UBE2E2: variants seen among roughly 807,000 people sequenced by gnomAD.
The protein encoded by UBE2E2 is ubiquitin conjugating enzyme E2 E2.
UBE2E2 carries 6 observed loss-of-function variants against 24.7 expected under a neutral mutation model. The observed-to-expected ratio is 0.24, with a 90% CI of 0.13 to 0.48. The LOEUF is 0.48. Ranked by LOEUF, UBE2E2 falls within the 20% of genes least tolerant of loss-of-function variation. The probability of loss-of-function intolerance (pLI) is 0.99; values close to 1 mark genes in which losing one functional copy is unlikely to be tolerated. For synonymous variants in UBE2E2, 104 were observed against 83.6 expected, an observed-to-expected ratio of 1.24 and a Z score of -1.33; for missense variants, 169 against 245.0, an observed-to-expected ratio of 0.69 and a Z score of 2.07.
intron 4 of UBE2E2, among the ~76,000 whole-genome samples, chr3:23,504,926 T>TTTTTTTTTTTTTTTTTTTTTTTTAAAG: frequency 6.8e-6 from 1 of 147,364 alleles, no homozygotes; most frequent in South Asian, 2.2e-4. Context: ...TTTTTTTTTT[T>TTTTTTTTTTTTTTTTTTTTTTTTAAAG]GAGACAGGGT....
At chr3:23,361,708 A>G (rs1156423864) in intron 3 of UBE2E2, among the ~76,000 whole-genome samples, 2 of 152,218 alleles carry the variant, frequency 1.3e-5, no homozygotes, top group Non-Finnish European at 1.5e-5. Flanking sequence ...TGAGTTGGGT[A>G]CAGTGTACAT....
chr3:23,258,147 A>C (rs1361718108), intron 3 of UBE2E2, among the ~76,000 whole-genome samples: 1 of 152,220 alleles, frequency 6.6e-6, no homozygotes, highest in Non-Finnish European at 1.5e-5. Flanking sequence ...AATATGCAAG[A>C]TGAGACCATG....
chr3:23,554,281 C>G (rs1284158153), intron 5 of UBE2E2, among the ~76,000 whole-genome samples: 1 of 151,950 alleles, frequency 6.6e-6, no homozygotes, highest in African/African-American at 2.4e-5. Flanking sequence ...AAAAAGGGTA[C>G]CAAGAAGACA....
intron 5 of UBE2E2, among the ~76,000 whole-genome samples, chr3:23,551,448 A>G (rs533873927): frequency 1.6e-4 from 24 of 152,216 alleles, no homozygotes; most frequent in Non-Finnish European, 2.8e-4. Flanking sequence ...TTGGCTCTAT[A>G]TTAGTAGAAA....
chr3:23,213,925 A>G (rs374510660), intron 2 of UBE2E2, among the ~76,000 whole-genome samples: 4 of 152,284 alleles, frequency 2.6e-5, no homozygotes, highest in South Asian at 4.1e-4. Flanking sequence ...AGTGCCTGAA[A>G]TAGGTACCTT....
At chr3:23,418,256 G>C (rs139949610) in intron 3 of UBE2E2, among the ~76,000 whole-genome samples, 169 of 152,318 alleles carry the variant, frequency 1.1e-3, no homozygotes, top group African/African-American at 4.0e-3. Context: ...ATCAGGGCCA[G>C]AGTGCACCGT....
At chr3:23,358,373 A>G (rs982992108) in intron 3 of UBE2E2, among the ~76,000 whole-genome samples, 29 of 152,224 alleles carry the variant, frequency 1.9e-4, no homozygotes, top group African/African-American at 6.3e-4. Context: ...ATGGTTCACA[A>G]TGATGCTTAA....
chr3:23,235,544 G>A (rs17342342), intron 3 of UBE2E2, among the ~76,000 whole-genome samples: 40,217 of 151,908 alleles, frequency 0.26, 5,693 homozygotes, highest in Non-Finnish European at 0.32. Flanking sequence ...ATTAAGATCA[G>A]TCTGGTTGCT....
At chr3:23,350,014 G>A (rs566201665) in intron 3 of UBE2E2, among the ~76,000 whole-genome samples, 2 of 152,138 alleles carry the variant, frequency 1.3e-5, no homozygotes, top group African/African-American at 2.4e-5. Flanking sequence ...ACCTCACACG[G>A]CCAGGTACTC....
chr3:23,243,628 G>A (rs148133589), intron 3 of UBE2E2, among the ~76,000 whole-genome samples: 184 of 152,232 alleles, frequency 1.2e-3, no homozygotes, highest in African/African-American at 4.2e-3. Flanking sequence ...CTACTGTTCA[G>A]CCATAATCAT....
chr3:23,441,010 C>A (rs967168269), intron 3 of UBE2E2, among the ~76,000 whole-genome samples: 1 of 152,128 alleles, frequency 6.6e-6, no homozygotes, highest in African/African-American at 2.4e-5. Flanking sequence ...TTGCCACTGA[C>A]ATTTTAGTTA....
At chr3:23,442,844 G>A (rs1041530761) in intron 3 of UBE2E2, among the ~76,000 whole-genome samples, 1 of 152,044 alleles carries the variant, frequency 6.6e-6, no homozygotes, top group African/African-American at 2.4e-5. Context: ...CCCCTCAGAG[G>A]AATGTGGTTT....
intron 5 of UBE2E2, among the ~76,000 whole-genome samples, chr3:23,588,176 T>A (rs1696669236): frequency 6.6e-6 from 1 of 152,194 alleles, no homozygotes; most frequent in Non-Finnish European, 1.5e-5. Flanking sequence ...TATTCTCTAC[T>A]ATTTTTTTCC....
At chr3:23,332,082 G>A (rs1036429199) in intron 3 of UBE2E2, among the ~76,000 whole-genome samples, 3 of 152,048 alleles carry the variant, frequency 2.0e-5, no homozygotes, top group Non-Finnish European at 2.9e-5. Flanking sequence ...GAATATTGTG[G>A]AATAATTTGT....
At chr3:23,566,380 C>G (rs928709858) in intron 5 of UBE2E2, among the ~76,000 whole-genome samples, 11 of 152,122 alleles carry the variant, frequency 7.2e-5, no homozygotes, top group Admixed American at 3.3e-4. Context: ...GTTGTGTAAC[C>G]AAGCTTGTAT....
chr3:23,343,533 G>A (rs1301518031), intron 3 of UBE2E2, among the ~76,000 whole-genome samples: 2 of 119,382 alleles, frequency 1.7e-5, no homozygotes, highest in African/African-American at 3.2e-5. Context: ...CCGAGATGGC[G>A]CCACTACACT....
At chr3:23,227,406 G>A (rs4858062) in intron 3 of UBE2E2, among the ~76,000 whole-genome samples, 88,119 of 152,064 alleles carry the variant, frequency 0.58, 26,012 homozygotes, top group South Asian at 0.67. Flanking sequence ...AACGTACAAT[G>A]TGAATAACTG....
chr3:23,538,731 G>A (rs1695321607), intron 5 of UBE2E2, among the ~76,000 whole-genome samples: 1 of 151,878 alleles, frequency 6.6e-6, no homozygotes, highest in African/African-American at 2.4e-5. Context: ...AATTAAAGAA[G>A]ATATACAGAA....
intron 3 of UBE2E2, among the ~76,000 whole-genome samples, chr3:23,335,427 A>G (rs1162995504): frequency 6.6e-6 from 1 of 152,216 alleles, no homozygotes; most frequent in Non-Finnish European, 1.5e-5. Flanking sequence ...TTGCGGAGGT[A>G]GTAAAATAAA....
Sources: gnomAD v4.1 joint callset for allele counts (sites outside exome capture counted in the v4.1 genomes callset) on GRCh38, gnomAD v4.1.1 for gene constraint, MANE v1.5 for transcripts, NCBI Gene and HGNC (gene_info 2026-07-23, HGNC 2026-07-21) for gene names.